SLC9A6: variants seen among roughly 807,000 people sequenced by gnomAD.
SLC9A6 encodes solute carrier family 9 member A6.
A neutral mutation model predicts 45.3 loss-of-function variants in SLC9A6; 6 were observed. The observed-to-expected ratio is 0.13, with a 90% CI of 0.07 to 0.26. SLC9A6 has a LOEUF of 0.26. SLC9A6 is among the 10% of genes least tolerant of loss of function. SLC9A6 has a pLI of 1.00. For missense variants in SLC9A6, 278 were observed against 503.7 expected (o/e 0.55, Z 4.29); for synonymous variants, 191 against 187.7 (o/e 1.02, Z -0.14).
intron 16 of SLC9A6, among the ~76,000 whole-genome samples, chrX:136,034,917 C>A (rs189422300): frequency 1.6e-3 from 180 of 111,643 alleles, no homozygotes; most frequent in Admixed American, 2.6e-3. Context: ...GGGGCTTTTT[C>A]ATCCCTCTAA....
At chrX:136,001,980 G>A in intron 6 of SLC9A6, 128 bp from the exon 7 acceptor site, 1 of 508,201 alleles carries the variant, frequency 2.0e-6, no homozygotes, top group Non-Finnish European at 3.5e-6. Context: ...AATATGGTAA[G>A]AGAATGTTTA....
chrX:135,997,117 T>G (rs1339507959), intron 3 of SLC9A6, among the ~76,000 whole-genome samples: 1 of 110,074 alleles, frequency 9.1e-6, no homozygotes, highest in Non-Finnish European at 1.9e-5. Context: ...CAAGCTGGAG[T>G]GCAGTGGCAC....
At chrX:136,032,026 C>T (rs2071331937) in intron 15 of SLC9A6, among the ~76,000 whole-genome samples, 1 of 112,313 alleles carries the variant, frequency 8.9e-6, no homozygotes, top group Non-Finnish European at 1.9e-5. Context: ...AGCCAAAACC[C>T]AGAATCTAAA....
At chrX:136,018,359 A>G (rs189171833) in intron 11 of SLC9A6, among the ~76,000 whole-genome samples, 5 of 112,074 alleles carry the variant, frequency 4.5e-5, no homozygotes, top group Admixed American at 1.9e-4. Flanking sequence ...AGTAGAACCA[A>G]TCTGCCCCAT....
rs782321694 is a variant in SLC9A6 at position 136,018,242 on chromosome X, C to T, written c.1194+1484C>T. Among the ~76,000 whole-genome samples the T allele has an allele frequency of 8.1e-5, 9 of 111,288 alleles. No individual in the cohort carries two copies. In the East Asian group the frequency reaches 8.5e-4, roughly 10 times the overall value. On this transcript the variant is annotated intron_variant, in intron 11 of 17. Coordinates refer to ENST00000630721, the MANE Select transcript of SLC9A6 (RefSeq NM_001379110.1). ...AGGGATTTTGAGGAAGATGGAGGTT[C>T]GTGAAATAGTTGTTGTAGAGAGTGG...
Position 135,994,897 on chromosome X carries a change from T to A in SLC9A6, c.281T>A (p.Val94Asp). 1 of 1,206,078 alleles carries A rather than the reference T, an allele frequency of 8.3e-7. No homozygotes were observed. The highest frequency in any genetic ancestry group is 1.1e-6 in the Non-Finnish European group (1 of 890,383). ...AGTCCAACTACCTTACTGGTAAATG[T>A]TAGTGGAAAATTTTATGAGTATATG... ...QSSPTTLLVN[V>D]SGKFYEYMLK... is the part of the protein sequence containing the mutation. The change falls in exon 3 of 18, where the codon GTT becomes GAT. Residue 94 changes from valine (V) to aspartate (D), a missense_variant. Coordinates refer to ENST00000630721, the MANE Select transcript of SLC9A6 (RefSeq NM_001379110.1).
intron 8 of SLC9A6, among the ~76,000 whole-genome samples, chrX:136,012,607 A>G (rs914658649): frequency 2.7e-5 from 3 of 112,724 alleles, no homozygotes; most frequent in Non-Finnish European, 5.6e-5. Context: ...GAAGCTGTCT[A>G]GCTTTGGGTC....
intron 10 of SLC9A6, among the ~76,000 whole-genome samples, chrX:136,015,745 A>G (rs2071007044): frequency 8.9e-6 from 1 of 111,743 alleles, no homozygotes; most frequent in Non-Finnish European, 1.9e-5. Flanking sequence ...TTTTTGGGTA[A>G]TAAGGCAACC....
intron 6 of SLC9A6, among the ~76,000 whole-genome samples, chrX:136,001,659 T>C (rs2089585584): frequency 1.8e-5 from 2 of 112,253 alleles, no homozygotes; most frequent in African/African-American, 6.5e-5. Context: ...TGCTAAACCT[T>C]TGTGCTTGCA....
chrX:136,009,583 C>G (rs1337772280), intron 7 of SLC9A6, among the ~76,000 whole-genome samples: 1 of 112,168 alleles, frequency 8.9e-6, no homozygotes, highest in African/African-American at 3.2e-5. Flanking sequence ...TAATGCTGGT[C>G]TCTCAATTAA....
intron 7 of SLC9A6, 108 bp downstream of exon 7, chrX:136,002,321 A>C (rs888191577): frequency 3.4e-6 from 2 of 594,460 alleles, no homozygotes; most frequent in Non-Finnish European, 5.7e-6. Flanking sequence ...ATTTGGAAGA[A>C]TGAGGCATTT....
chrX:135,984,197 G>A (rs1556614487), upstream of SLC9A6, among the ~76,000 whole-genome samples: 2 of 111,218 alleles, frequency 1.8e-5, no homozygotes, highest in African/African-American at 6.6e-5. Context: ...GCCATGAGAT[G>A]GAAAGAACCA....
chrX:135,994,995 T>C lies in SLC9A6; in HGVS notation c.369+10T>C, dbSNP rs782144469. ...TGAAATGCTTAGAAAGGTAAGTTCT[T>C]AAAGGAAATCTTTGAATCTTTTTTG... On this transcript the variant is annotated intron_variant, in intron 3 of 17. Transcript: ENST00000630721. 2.7e-6 allele frequency: 3 copies of C among 1,122,744 alleles called. No homozygotes were observed. In the Admixed American group the frequency reaches 6.5e-5, roughly 24 times the overall value. 92.5% of individuals were successfully genotyped at this position (1,122,744 alleles called of 1,213,427 possible). A position where few individuals can be genotyped will look rare whatever the true frequency, so the allele number is the denominator to read the frequency against.
chrX:135,983,822 G>A (rs938067003), upstream of SLC9A6: 1 of 109,423 alleles, frequency 9.1e-6, no homozygotes, highest in African/African-American at 3.3e-5. Flanking sequence ...CTGGGGAGAG[G>A]ATGATGGGGA....
chrX:135,989,808 T>A (rs1486689715), intron 2 of SLC9A6, among the ~76,000 whole-genome samples: 1 of 111,874 alleles, frequency 8.9e-6, no homozygotes, highest in African/African-American at 3.2e-5. Context: ...TGATTTTTTT[T>A]ATCACTGGGA....
At chrX:135,979,981 G>C (rs1460960817) in intron 1 of SLC9A6, among the ~76,000 whole-genome samples, 1 of 111,208 alleles carries the variant, frequency 9.0e-6, no homozygotes, top group African/African-American at 3.3e-5. Flanking sequence ...GCCCAGGCTG[G>C]TCTTGAACTC....
At chrX:136,041,093 G>A (rs1468537569) in intron 17 of SLC9A6, among the ~76,000 whole-genome samples, 2 of 110,847 alleles carry the variant, frequency 1.8e-5, no homozygotes, top group African/African-American at 3.3e-5. Context: ...ACTCCAGCCT[G>A]GGTGACAGAG....
intron 3 of SLC9A6, among the ~76,000 whole-genome samples, chrX:135,997,016 T>C (rs2089512080): frequency 9.0e-6 from 1 of 111,287 alleles, no homozygotes; most frequent in Non-Finnish European, 1.9e-5. Flanking sequence ...TCCGCCCGCC[T>C]TGGCCTCCCA....
chrX:136,023,175 A>ATGTG (rs2071164496), intron 12 of SLC9A6, among the ~76,000 whole-genome samples: 2 of 7,196 alleles, frequency 2.8e-4, no homozygotes, highest in African/African-American at 7.9e-4. Context: ...ATATATATAT[A>ATGTG]TATATATATA....
Sources: gnomAD v4.1 joint callset for allele counts (sites outside exome capture counted in the v4.1 genomes callset) on GRCh38, gnomAD v4.1.1 for gene constraint, MANE v1.5 for transcripts, NCBI Gene and HGNC (gene_info 2026-07-23, HGNC 2026-07-21) for gene names.